RAB21: variants seen among roughly 807,000 people sequenced by gnomAD.
RAB21 encodes the protein ras-related protein Rab-21.
Under a neutral mutation model 33.1 loss-of-function variants are expected in RAB21, and 13 were observed. That is an observed-to-expected ratio of 0.39 (90% CI 0.26 to 0.62). The LOEUF is 0.62. RAB21 is among the 20% of genes least tolerant of loss of function. The pLI, the probability that RAB21 is intolerant of heterozygous loss-of-function variation, is 0.48. For missense variants in RAB21, 234 were observed against 279.1 expected, an observed-to-expected ratio of 0.84 and a Z score of 1.15; for synonymous variants, 91 against 103.7, an observed-to-expected ratio of 0.88 and a Z score of 0.74.
chr12:71,788,400 A>G lies in RAB21; in HGVS notation c.*2727A>G, dbSNP rs904638538. 8 of 152,090 alleles carry G rather than the reference A, an allele frequency of 5.3e-5. No homozygotes were observed. The highest frequency in any genetic ancestry group is 1.7e-4 in the African/African-American group (7 of 41,400). 9.4% of individuals were successfully genotyped at this position (152,090 alleles called of 1,614,324 possible). ...GGGGCCTGTAATTGAGGCTAATTCA[A>G]TAGCAACAATAGACAACATGATATG... On this transcript the variant is annotated 3_prime_UTR_variant, in exon 7 of 7. Transcript: ENST00000261263.
chr12:71,764,980 A>T (rs1239950148), intron 1 of RAB21, among the ~76,000 whole-genome samples: 2 of 152,086 alleles, frequency 1.3e-5, no homozygotes, highest in Non-Finnish European at 2.9e-5. Flanking sequence ...CAGTAGTGGG[A>T]TTGCTGGATC....
At chr12:71,776,659 T>A (rs987845016) in intron 4 of RAB21, among the ~76,000 whole-genome samples, 1 of 151,712 alleles carries the variant, frequency 6.6e-6, no homozygotes. Flanking sequence ...GTTGGGAGAA[T>A]TCTGAGAACT....
At chr12:71,758,023 A>C (rs778564999) in intron 1 of RAB21, among the ~76,000 whole-genome samples, 2 of 150,386 alleles carry the variant, frequency 1.3e-5, no homozygotes, top group Non-Finnish European at 3.0e-5. Flanking sequence ...GTCCCATTTC[A>C]TTTTTAAATT....
At chr12:71,769,901 CTTT>C in intron 2 of RAB21, 42 bp downstream of exon 2, 1 of 1,102,974 alleles carries the variant, frequency 9.1e-7, no homozygotes, top group South Asian at 2.9e-5. Context: ...AGGCTTCTTC[CTTT>C]TTTCTTTTTT....
chr12:71,767,079 A>G (rs898995464), intron 1 of RAB21, among the ~76,000 whole-genome samples: 1 of 152,220 alleles, frequency 6.6e-6, no homozygotes, highest in African/African-American at 2.4e-5. Context: ...AGTAGTAGAA[A>G]TGACTGTGTA....
At chr12:71,763,101 GCA>G (rs66460518) in intron 1 of RAB21, among the ~76,000 whole-genome samples, 79,125 of 145,410 alleles carry the variant, frequency 0.54, 25,856 homozygotes, top group Non-Finnish European at 0.74. Context: ...TATTTTGCAC[GCA>G]CACACACACA....
intron 1 of RAB21, among the ~76,000 whole-genome samples, chr12:71,761,484 G>A (rs1882871489): frequency 6.6e-6 from 1 of 152,146 alleles, no homozygotes; most frequent in African/African-American, 2.4e-5. Flanking sequence ...TTCAAGACCA[G>A]CCTGGCTAAC....
chr12:71,775,617 A>G (rs919406662), intron 4 of RAB21, among the ~76,000 whole-genome samples: 3 of 151,260 alleles, frequency 2.0e-5, no homozygotes, highest in African/African-American at 7.3e-5. Flanking sequence ...GCTCACTGCA[A>G]CCTCCGCCTC....
In RAB21 at chr12:71,755,275, T is replaced by A. The variant is rs1882766802; in HGVS notation, c.146T>A (p.Ile49Asn). 1 of 1,532,524 alleles carries A rather than the reference T, an allele frequency of 6.5e-7. No homozygotes were observed. Among genetic ancestry groups the A allele is most frequent in the Non-Finnish European group, 8.7e-7 (1 of 1,143,566 alleles). 94.9% of individuals were successfully genotyped at this position (1,532,524 alleles called of 1,614,324 possible). Reference sequence around the variant, plus strand: ...GAGAACAAGTTTAACGACAAGCACATCACCACTCTGCAGGTGCGGACCTCG... The same window carrying A: ...GAGAACAAGTTTAACGACAAGCACAACACCACTCTGCAGGTGCGGACCTCG... ...YCENKFNDKH[I>N]TTLQASFLTK... Residue 49 changes from isoleucine (I) to asparagine (N), a missense_variant, in exon 1 of 7, where the codon ATC (isoleucine) becomes AAC (asparagine). By Grantham distance (149) the Ile-to-Asn change is moderately radical. Transcript: ENST00000261263.
At position 71,788,394 on chromosome 12, in the gene RAB21, A is replaced by C. The variant is rs959351980; in HGVS notation, c.*2721A>C. ...TTAGTGGGGGCCTGTAATTGAGGCT[A>C]ATTCAATAGCAACAATAGACAACAT... On this transcript the variant is annotated 3_prime_UTR_variant, in exon 7 of 7. Transcript: ENST00000261263. The C allele has an allele frequency of 6.6e-6, 1 of 152,194 alleles. No homozygotes were observed. The highest frequency in any genetic ancestry group is 1.9e-4 in the East Asian group (1 of 5,182). 9.4% of individuals were successfully genotyped at this position (152,194 alleles called of 1,614,324 possible). A position where few individuals can be genotyped will look rare whatever the true frequency, so the allele number is the denominator to read the frequency against.
chr12:71,769,310 G>A (rs903058060), intron 1 of RAB21, among the ~76,000 whole-genome samples: 5 of 152,070 alleles, frequency 3.3e-5, no homozygotes, highest in South Asian at 2.1e-4. Context: ...GGGTAGAACC[G>A]TGTCCCTTCA....
rs1477721538 is a variant in RAB21, at chr12:71,787,067, C to T, written c.*1394C>T. 6.6e-6 allele frequency: 1 copy of T among 152,140 alleles called. No homozygotes were observed. The highest frequency in any genetic ancestry group is 1.5e-5 in the Non-Finnish European group (1 of 68,014). 9.4% of individuals were successfully genotyped at this position (152,140 alleles called of 1,614,324 possible). A position where few individuals can be genotyped will look rare whatever the true frequency, so the allele number is the denominator to read the frequency against. ...GTTCCTGAGGCAGCACTTTTAGATC[C>T]TTTGTGAGCAAGTTCTATTTGTTCA... On this transcript the variant is annotated 3_prime_UTR_variant, in exon 7 of 7. Coordinates refer to ENST00000261263, the MANE Select transcript of RAB21 (RefSeq NM_014999.4).
At chr12:71,781,354 AGCTACTCAGGAG>A (rs1475635651) in intron 4 of RAB21, among the ~76,000 whole-genome samples, 1 of 151,950 alleles carries the variant, frequency 6.6e-6, no homozygotes, top group African/African-American at 2.4e-5. Flanking sequence ...CTGTAGTCCC[AGCTACTCAGGAG>A]GCTGAGGCAG....
Position 71,791,716 on chromosome 12 carries a change from TAACA to T in RAB21, c.*6044_*6047del, listed in dbSNP as rs1883387622. The T allele has an allele frequency of 1.3e-5, 2 of 152,190 alleles. No individual in the cohort carries two copies. The allele number at this position is 152,190 out of a possible 1,614,324, so 9.4% of individuals were successfully genotyped here. A position where few individuals can be genotyped will look rare whatever the true frequency, so the allele number is the denominator to read the frequency against. ...ATCCCTTTTTAGAGGTAACCATTGT[TAACA>T]GTTTGGTTTGTGTCTTTATTATGCA... On this transcript the variant is annotated 3_prime_UTR_variant, in exon 7 of 7. Coordinates refer to ENST00000261263, the MANE Select transcript of RAB21 (RefSeq NM_014999.4).
Position 71,793,982 on chromosome 12 carries a change from A to T in RAB21, c.*8309A>T, listed in dbSNP as rs567456641. On this transcript the variant is annotated 3_prime_UTR_variant, in exon 7 of 7. Coordinates refer to ENST00000261263, the MANE Select transcript of RAB21 (RefSeq NM_014999.4). The stretch of plus-strand genomic sequence containing the variant: ...TGTAATCCAGCACTTTGGGAGGCTG[A>T]GGTGGGTGGATGGATCCCTTAAACC... The T allele has an allele frequency of 3.7e-3, 557 of 152,398 alleles. 2 individuals are homozygous for T. The highest frequency in any genetic ancestry group is 6.7e-3 in the Middle Eastern group (2 of 298). 9.4% of individuals were successfully genotyped at this position (152,398 alleles called of 1,614,324 possible).
chr12:71,789,608 C>A lies in RAB21; in HGVS notation c.*3935C>A, dbSNP rs538154794. On this transcript the variant is annotated 3_prime_UTR_variant, in exon 7 of 7. Transcript: ENST00000261263. ...TAGTAGTAGTGACCCGCAGGAGCCT[C>A]ACAATAATGTCTAAAGATATAAACT... 6.6e-6 allele frequency: 1 copy of A among 152,082 alleles called. No homozygotes were observed. Among genetic ancestry groups the A allele is most frequent in the East Asian group, 1.9e-4 (1 of 5,204 alleles). 9.4% of individuals were successfully genotyped at this position (152,082 alleles called of 1,614,324 possible).
At chr12:71,757,561 C>T (rs1285673944) in intron 1 of RAB21, among the ~76,000 whole-genome samples, 1 of 152,192 alleles carries the variant, frequency 6.6e-6, no homozygotes, top group African/African-American at 2.4e-5. Context: ...GTATTAATAT[C>T]TGAATTATAT....
intron 1 of RAB21, among the ~76,000 whole-genome samples, chr12:71,768,199 A>G (rs1239150290): frequency 1.3e-5 from 2 of 152,162 alleles, no homozygotes; most frequent in African/African-American, 2.4e-5. Context: ...TCTGCCATTT[A>G]TATTTATCTG....
rs1882758141 is a variant in RAB21 at position 71,754,979 on chromosome 12, C to T, written c.-151C>T. ...ATTCTCGGACTTTCCCTCAGCCCTT[C>T]CAGGCCTCGCCCGAGGAGGGCGTGG... On this transcript the variant is annotated 5_prime_UTR_variant, in exon 1 of 7. Coordinates refer to ENST00000261263, the MANE Select transcript of RAB21 (RefSeq NM_014999.4). 6 of 719,786 alleles carry T rather than the reference C, an allele frequency of 8.3e-6. No individual in the cohort carries two copies. The highest frequency in any genetic ancestry group is 1.0e-5 in the Non-Finnish European group (6 of 583,978). The allele number at this position is 719,786 out of a possible 1,614,324, so 44.6% of individuals were successfully genotyped here. A position where few individuals can be genotyped will look rare whatever the true frequency, so the allele number is the denominator to read the frequency against.
Sources: gnomAD v4.1 joint callset for allele counts (sites outside exome capture counted in the v4.1 genomes callset) on GRCh38, gnomAD v4.1.1 for gene constraint, MANE v1.5 for transcripts, NCBI Gene and HGNC (gene_info 2026-07-23, HGNC 2026-07-21) for gene names.